The following LINGO2 variants were observed in gnomAD, a reference collection of about 807,000 sequenced individuals.
LINGO2 encodes the protein leucine rich repeat and Ig domain containing 2, also known as leucine-rich repeat and immunoglobulin-like domain-containing nogo receptor-interacting protein 2.
Under a neutral mutation model 30.6 loss-of-function variants are expected in LINGO2, and 14 were observed. The observed-to-expected ratio is 0.46, with a 90% CI of 0.30 to 0.72. LINGO2 has a LOEUF of 0.72. Among genes scored for constraint, LINGO2 ranks in the 30% least tolerant of loss-of-function variants. The pLI, the probability that LINGO2 is intolerant of heterozygous loss-of-function variation, is 0.07. For synonymous variants in LINGO2, 317 were observed against 288.5 expected, an observed-to-expected ratio of 1.10 and a Z score of -1.00; for missense variants, 729 against 751.7, an observed-to-expected ratio of 0.97 and a Z score of 0.35.
At chr9:29,013,947 T>C in the LINGO2 span, among the ~76,000 whole-genome samples, 1 of 152,126 alleles carries the variant, frequency 6.6e-6, no homozygotes, top group Non-Finnish European at 1.5e-5. Context: ...TCCTCAAAAT[T>C]TTTATTGCTT....
At chr9:28,904,082 T>TAC in the LINGO2 span, among the ~76,000 whole-genome samples, 1 of 152,074 alleles carries the variant, frequency 6.6e-6, no homozygotes, top group Non-Finnish European at 1.5e-5. Flanking sequence ...TGTGATATTC[T>TAC]ACATTAATAG....
chr9:28,378,617 T>C (rs1221278816), intron 2 of LINGO2, among the ~76,000 whole-genome samples: 1 of 152,146 alleles, frequency 6.6e-6, no homozygotes, highest in African/African-American at 2.4e-5. Flanking sequence ...GCTACGGAAC[T>C]GTTGAGTTAG....
chr9:28,817,544 A>G, the LINGO2 span, among the ~76,000 whole-genome samples: 1 of 152,210 alleles, frequency 6.6e-6, no homozygotes, highest in Non-Finnish European at 1.5e-5. Flanking sequence ...AGCTGAGCCC[A>G]CGACCCACTT....
At chr9:28,472,727 T>G (rs1358407484) in intron 2 of LINGO2, among the ~76,000 whole-genome samples, 1 of 152,174 alleles carries the variant, frequency 6.6e-6, no homozygotes, top group East Asian at 1.9e-4. Flanking sequence ...TTTTCCATAC[T>G]GGTCATATGT....
the LINGO2 span, among the ~76,000 whole-genome samples, chr9:29,171,090 C>G: frequency 6.6e-6 from 1 of 151,946 alleles, no homozygotes; most frequent in Admixed American, 6.6e-5. Context: ...ATTGTAGTAC[C>G]GGACATGCAG....
intron 2 of LINGO2, among the ~76,000 whole-genome samples, chr9:28,472,623 G>GT (rs910914439): frequency 5.3e-5 from 8 of 151,662 alleles, no homozygotes; most frequent in East Asian, 3.9e-4. Context: ...TCTTCAACAA[G>GT]TTTTTTTTCC....
At chr9:28,102,429 A>G (rs1191891552) in intron 4 of LINGO2, among the ~76,000 whole-genome samples, 1 of 152,146 alleles carries the variant, frequency 6.6e-6, no homozygotes, top group East Asian at 1.9e-4. Flanking sequence ...AGAGATCTTT[A>G]TTTTTTAAAA....
chr9:28,107,040 C>T (rs1038685297), intron 4 of LINGO2, among the ~76,000 whole-genome samples: 1 of 152,132 alleles, frequency 6.6e-6, no homozygotes, highest in African/African-American at 2.4e-5. Flanking sequence ...AATTCCTCCT[C>T]CTGGCTAATT....
chr9:28,357,315 G>GAC (rs796282898), intron 3 of LINGO2, among the ~76,000 whole-genome samples: 1 of 66,060 alleles, frequency 1.5e-5, no homozygotes, highest in Non-Finnish European at 3.5e-5. Context: ...CAGAAATAAA[G>GAC]CCCACCCCCC....
intron 4 of LINGO2, among the ~76,000 whole-genome samples, chr9:28,190,382 G>T (rs1057144453): frequency 2.0e-5 from 3 of 152,062 alleles, no homozygotes; most frequent in Non-Finnish European, 4.4e-5. Flanking sequence ...GCAATGAACC[G>T]AATATTTTTG....
intron 5 of LINGO2, among the ~76,000 whole-genome samples, chr9:27,957,950 A>AT (rs1339259832): frequency 1.3e-5 from 2 of 152,074 alleles, no homozygotes; most frequent in African/African-American, 4.8e-5. Flanking sequence ...GTATACCTTC[A>AT]TTTTTTGTCT....
At chr9:28,822,051 C>G in the LINGO2 span, among the ~76,000 whole-genome samples, 531 of 152,162 alleles carry the variant, frequency 3.5e-3, 6 homozygotes, top group African/African-American at 0.012. Context: ...CAGAGCAAGC[C>G]CAGAGATACT....
the LINGO2 span, among the ~76,000 whole-genome samples, chr9:28,815,228 G>T: frequency 2.6e-5 from 4 of 152,140 alleles, no homozygotes; most frequent in Non-Finnish European, 4.4e-5. Flanking sequence ...ATAGGTGAGC[G>T]AAATTCCTGA....
chr9:28,165,525 C>A (rs1411257542), intron 4 of LINGO2, among the ~76,000 whole-genome samples: 1 of 152,148 alleles, frequency 6.6e-6, no homozygotes, highest in Non-Finnish European at 1.5e-5. Flanking sequence ...ATCTCAAATT[C>A]ATTATTACCA....
intron 1 of LINGO2, among the ~76,000 whole-genome samples, chr9:28,593,234 A>G (rs1047466960): frequency 6.6e-6 from 1 of 152,074 alleles, no homozygotes; most frequent in Non-Finnish European, 1.5e-5. Context: ...TTCATTAAGC[A>G]CCTAATATTT....
chr9:28,501,182 A>G (rs776742788), intron 1 of LINGO2, among the ~76,000 whole-genome samples: 1 of 152,208 alleles, frequency 6.6e-6, no homozygotes, highest in Non-Finnish European at 1.5e-5. Flanking sequence ...TTATATAAAA[A>G]TGCACTTGAA....
chr9:27,949,335 G>A (rs1184895732), exon 6 of LINGO2: 1 of 1,614,008 alleles, frequency 6.2e-7, no homozygotes, highest in Non-Finnish European at 8.5e-7. Context: ...CCTTCGGGGT[G>A]TCACCCAGGA....
the LINGO2 span, among the ~76,000 whole-genome samples, chr9:29,023,686 G>A: frequency 6.6e-6 from 1 of 151,820 alleles, no homozygotes; most frequent in Non-Finnish European, 1.5e-5. Flanking sequence ...TTTTAATCAA[G>A]AAAAAATATT....
intron 5 of LINGO2, among the ~76,000 whole-genome samples, chr9:27,966,668 C>A (rs1257648504): frequency 6.6e-6 from 1 of 152,038 alleles, no homozygotes; most frequent in Non-Finnish European, 1.5e-5. Context: ...AGCAAACCAC[C>A]ATGGCACATA....
Sources: allele counts gnomAD v4.1 joint callset (sites outside exome capture counted in the v4.1 genomes callset), GRCh38; gene constraint gnomAD v4.1.1; transcripts MANE v1.5; gene names NCBI Gene and HGNC (gene_info 2026-07-23, HGNC 2026-07-21).